Variants in TACR3 observed in about 807,000 individuals in gnomAD.
TACR3 encodes neuromedin-K receptor.
Under a neutral mutation model 35.0 loss-of-function variants are expected in TACR3, and 34 were observed. The ratio of observed to expected loss-of-function variants is 0.97; its 90% CI spans 0.74 to 1.30. The LOEUF (loss-of-function observed/expected upper bound fraction) is 1.30, where lower values mean the gene tolerates loss of function less well. TACR3 is among the 50% of genes most tolerant of loss of function. The pLI is 0.00. For synonymous variants in TACR3, 233 were observed against 221.1 expected, an observed-to-expected ratio of 1.05 and a Z score of -0.48; for missense variants, 558 against 591.7, an observed-to-expected ratio of 0.94 and a Z score of 0.59.
rs1028682588 is a variant in TACR3 at position 103,667,940 on chromosome 4, C to T, written c.549-9537G>A. Among the ~76,000 whole-genome samples, 42 of 152,026 alleles carry T rather than the reference C, an allele frequency of 2.8e-4. 6 individuals carry two copies. The highest frequency in any genetic ancestry group is 2.6e-3 in the Admixed American group (39 of 15,250). On this transcript the variant is annotated intron_variant, in intron 1 of 4. Coordinates refer to ENST00000304883, the MANE Select transcript of TACR3 (RefSeq NM_001059.3). ...GCCTCCTGGGCTCAAGTGATCCTCCCACCTCAGTCTCCTGAGTAGCTGGGA... is the reference window on the plus strand; with the variant it reads ...GCCTCCTGGGCTCAAGTGATCCTCCTACCTCAGTCTCCTGAGTAGCTGGGA...
chr4:103,677,398 C>T (rs1200259151), intron 1 of TACR3, among the ~76,000 whole-genome samples: 1 of 152,058 alleles, frequency 6.6e-6, no homozygotes, highest in Non-Finnish European at 1.5e-5. Flanking sequence ...ATTATAAGGA[C>T]ACATGCATGT....
chr4:103,629,694 T>A (rs112872315), intron 3 of TACR3, among the ~76,000 whole-genome samples: 3 of 151,566 alleles, frequency 2.0e-5, no homozygotes, highest in Non-Finnish European at 4.4e-5. Flanking sequence ...AGAATTAATA[T>A]CGTGAAAATG....
intron 3 of TACR3, among the ~76,000 whole-genome samples, chr4:103,649,278 C>CT (rs1384776193): frequency 6.6e-6 from 1 of 152,028 alleles, no homozygotes; most frequent in Non-Finnish European, 1.5e-5. Flanking sequence ...TGCACAGAAG[C>CT]TTTTTAACTT....
chr4:103,706,495 T>A (rs1722792862), intron 1 of TACR3, among the ~76,000 whole-genome samples: 1 of 152,222 alleles, frequency 6.6e-6, no homozygotes, highest in South Asian at 2.1e-4. Context: ...TTATACTGTT[T>A]TAATAAAGGA....
At chr4:103,635,393 G>A (rs1303868796) in intron 3 of TACR3, among the ~76,000 whole-genome samples, 3 of 151,940 alleles carry the variant, frequency 2.0e-5, no homozygotes, top group South Asian at 2.1e-4. Context: ...TTTGAGGGGA[G>A]AGGTCTCCAT....
At chr4:103,670,420 G>A (rs1292066968) in intron 1 of TACR3, among the ~76,000 whole-genome samples, 1 of 152,022 alleles carries the variant, frequency 6.6e-6, no homozygotes, top group Non-Finnish European at 1.5e-5. Context: ...AGTGCTTGGG[G>A]TAGAATAGAC....
At chr4:103,654,905 GATACTGTTCAT>G (rs1255293384) in intron 3 of TACR3, among the ~76,000 whole-genome samples, 2 of 152,124 alleles carry the variant, frequency 1.3e-5, no homozygotes, top group Non-Finnish European at 2.9e-5. Context: ...AGGGGAGAGA[GATACTGTTCAT>G]GTAAGAGGGC....
intron 3 of TACR3, among the ~76,000 whole-genome samples, chr4:103,598,426 T>G (rs982226190): frequency 1.3e-5 from 2 of 152,250 alleles, no homozygotes; most frequent in African/African-American, 4.8e-5. Context: ...TGATGGTAGT[T>G]TCTTTTGCTG....
intron 1 of TACR3, among the ~76,000 whole-genome samples, chr4:103,713,335 A>G (rs950700381): frequency 2.0e-5 from 3 of 152,014 alleles, no homozygotes; most frequent in African/African-American, 7.2e-5. Context: ...ACATGGATGA[A>G]GCTGGAAACC....
At chr4:103,596,090 T>C (rs923349789) in intron 3 of TACR3, among the ~76,000 whole-genome samples, 2 of 150,344 alleles carry the variant, frequency 1.3e-5, no homozygotes, top group Non-Finnish European at 3.0e-5. Flanking sequence ...TCATCCTTTT[T>C]TATGGCTGCA....
At chr4:103,679,072 A>G (rs1441081255) in intron 1 of TACR3, among the ~76,000 whole-genome samples, 1 of 152,074 alleles carries the variant, frequency 6.6e-6, no homozygotes, top group African/African-American at 2.4e-5. Flanking sequence ...CATTAATTTA[A>G]GAACATTATT....
chr4:103,670,184 C>T (rs577761113), intron 1 of TACR3, among the ~76,000 whole-genome samples: 3 of 152,090 alleles, frequency 2.0e-5, no homozygotes, highest in South Asian at 2.1e-4. Flanking sequence ...CTGTTCCATT[C>T]GTCTATGTGT....
At position 103,632,650 on chromosome 4, in the gene TACR3, G is replaced by GTT. The variant is rs531622350; in HGVS notation, c.888+23542_888+23543dup. 3.5e-3 allele frequency among the ~76,000 whole-genome samples: 504 copies of GTT among 142,204 alleles called. 8 individuals are homozygous for GTT. The highest frequency in any genetic ancestry group is 0.012 in the African/African-American group (464 of 39,054). 93.3% of individuals were successfully genotyped at this position (142,204 alleles called of 152,430 possible). A position where few individuals can be genotyped will look rare whatever the true frequency, so the allele number is the denominator to read the frequency against. On this transcript the variant is annotated intron_variant, in intron 3 of 4. Coordinates refer to ENST00000304883, the MANE Select transcript of TACR3 (RefSeq NM_001059.3). ...CCTGCACGTTCTGCACATGTATCCTGTTTTTTTTTTTTGAAGAAATAAAGA... is the reference window on the plus strand; with the variant it reads ...CCTGCACGTTCTGCACATGTATCCTGTTTTTTTTTTTTTTGAAGAAATAAAGA...
chr4:103,601,124 T>C (rs1430859110), intron 3 of TACR3, among the ~76,000 whole-genome samples: 1 of 152,206 alleles, frequency 6.6e-6, no homozygotes, highest in African/African-American at 2.4e-5. Context: ...GGACTTGCTT[T>C]ATGAATCTGG....
intron 1 of TACR3, among the ~76,000 whole-genome samples, chr4:103,691,237 C>T (rs866164182): frequency 6.6e-6 from 1 of 152,134 alleles, no homozygotes; most frequent in Non-Finnish European, 1.5e-5. Context: ...AACTGTGGAG[C>T]AGCCATACAG....
chr4:103,641,219 T>A (rs1377266716), intron 3 of TACR3, among the ~76,000 whole-genome samples: 1 of 151,978 alleles, frequency 6.6e-6, no homozygotes, highest in Non-Finnish European at 1.5e-5. Context: ...TGTAAATGTG[T>A]GGGTTCATTT....
intron 3 of TACR3, among the ~76,000 whole-genome samples, chr4:103,637,230 C>T (rs1414269557): frequency 6.6e-6 from 1 of 152,116 alleles, no homozygotes; most frequent in Non-Finnish European, 1.5e-5. Flanking sequence ...AATCAAAAAG[C>T]TTATCCACCA....
chr4:103,588,138 C>G lies in TACR3; in HGVS notation c.*1544G>C, dbSNP rs967765581. 3 of 151,996 alleles carry G rather than the reference C, an allele frequency of 2.0e-5. No homozygotes were observed. The highest frequency in any genetic ancestry group is 4.4e-5 in the Non-Finnish European group (3 of 67,956). The allele number at this position is 151,996 out of a possible 1,614,324, so 9.4% of individuals were successfully genotyped here. A position where few individuals can be genotyped will look rare whatever the true frequency, so the allele number is the denominator to read the frequency against. On this transcript the variant is annotated 3_prime_UTR_variant, in exon 5 of 5. Coordinates refer to ENST00000304883, the MANE Select transcript of TACR3 (RefSeq NM_001059.3). ...ATAGGGAAGAGATTTGAGAAATAGACCATGATTTGCCATTGAATATTTGCT... is the reference window on the plus strand; with the variant it reads ...ATAGGGAAGAGATTTGAGAAATAGAGCATGATTTGCCATTGAATATTTGCT...
chr4:103,633,145 A>G (rs1725105188), intron 3 of TACR3, among the ~76,000 whole-genome samples: 1 of 152,016 alleles, frequency 6.6e-6, no homozygotes, highest in African/African-American at 2.4e-5. Flanking sequence ...TTCTGGACAC[A>G]CCCTCTAAGC....
Sources: allele counts gnomAD v4.1 joint callset (sites outside exome capture counted in the v4.1 genomes callset), GRCh38; gene constraint gnomAD v4.1.1; transcripts MANE v1.5; gene names NCBI Gene and HGNC (gene_info 2026-07-23, HGNC 2026-07-21).